ATOH8: variants seen among roughly 807,000 people sequenced by gnomAD.
The protein encoded by ATOH8 is transcription factor ATOH8.
Under a neutral mutation model 21.2 loss-of-function variants are expected in ATOH8, and 9 were observed. The ratio of observed to expected loss-of-function variants is 0.42; its 90% CI spans 0.26 to 0.74. The LOEUF (loss-of-function observed/expected upper bound fraction) is 0.74. Among genes scored for constraint, ATOH8 ranks in the 30% least tolerant of loss-of-function variants. The pLI, the probability that ATOH8 is intolerant of heterozygous loss-of-function variation, is 0.24. For synonymous variants in ATOH8, 253 were observed against 224.0 expected, an observed-to-expected ratio of 1.13 and a Z score of -1.16; for missense variants, 524 against 470.9, an observed-to-expected ratio of 1.11 and a Z score of -1.04.
Position 85,754,107 on chromosome 2 carries a change from C to A in ATOH8, c.-83C>A. The A allele has an allele frequency of 7.3e-7, 1 of 1,360,806 alleles. No homozygotes were observed. The allele number at this position is 1,360,806 out of a possible 1,614,324, so 84.3% of individuals were successfully genotyped here. On this transcript the variant is annotated 5_prime_UTR_variant, in exon 1 of 3. Coordinates refer to ENST00000306279, the MANE Select transcript of ATOH8 (RefSeq NM_032827.7). ...AGAGGGAGGGGGAGGGCGGGCGAAG[C>A]GGGAGAGCCAGAGACTCCTCGGCGC... is the stretch of plus-strand genomic sequence containing the variant.
At chr2:85,779,277 A>G (rs79111299) in intron 2 of ATOH8, among the ~76,000 whole-genome samples, 3,966 of 152,330 alleles carry the variant, frequency 0.026, 164 homozygotes, top group African/African-American at 0.091. Context: ...GACCCTCACA[A>G]TGCCCCACGC....
rs1235490222 is a variant in ATOH8, at chr2:85,790,533, A to C, written c.*3643A>C. ...GTTTTGAGCAAGTGTTCATCCCCCC[A>C]CACTATGCTCCTTCCTGTCTCCATG... On this transcript the variant is annotated 3_prime_UTR_variant, in exon 3 of 3. Transcript: ENST00000306279. Among the ~76,000 whole-genome samples, 3 of 152,038 alleles carry C rather than the reference A, an allele frequency of 2.0e-5. No individual in the cohort carries two copies. The highest frequency in any genetic ancestry group is 7.2e-5 in the African/African-American group (3 of 41,382).
intron 2 of ATOH8, 34 bp downstream of exon 2, chr2:85,764,216 G>A (rs934789772): frequency 6.2e-7 from 1 of 1,608,230 alleles, no homozygotes; most frequent in Non-Finnish European, 8.5e-7. Context: ...TAGCTTCTGG[G>A]GAGCATAGGG....
chr2:85,783,089 C>CATTCTGACT (rs1209563795), intron 2 of ATOH8, among the ~76,000 whole-genome samples: 3 of 152,206 alleles, frequency 2.0e-5, no homozygotes, highest in African/African-American at 7.2e-5. Flanking sequence ...GTGGAGCTGG[C>CATTCTGACT]ATTCTGACTA....
At chr2:85,763,927 CTCCCATGCCTGCCA>C (rs1679934487) in intron 1 of ATOH8, 50 bp from the exon 2 acceptor site, 1 of 1,526,628 alleles carries the variant, frequency 6.6e-7, no homozygotes, top group African/African-American at 1.4e-5. Context: ...GACAGGCCGT[CTCCCATGCCTGCCA>C]GGCTGGGCAC....
chr2:85,786,897 G>A lies in ATOH8; in HGVS notation c.*7G>A. 6.2e-7 allele frequency: 1 copy of A among 1,614,160 alleles called. No homozygotes were observed. ...TCATGTCTTTCAGGAGTGACTGGCT[G>A]CAGGCAAGACCAAGGCCACCACTGT... is the stretch of plus-strand genomic sequence containing the variant. On this transcript the variant is annotated 3_prime_UTR_variant, in exon 3 of 3. Transcript: ENST00000306279.
At chr2:85,763,401 C>T (rs969958475) in intron 1 of ATOH8, among the ~76,000 whole-genome samples, 1 of 152,164 alleles carries the variant, frequency 6.6e-6, no homozygotes, top group African/African-American at 2.4e-5. Context: ...ACCCCAAGTC[C>T]TGAGGGCACA....
intron 1 of ATOH8, 57 bp from the exon 2 acceptor site, chr2:85,763,934 G>A: frequency 6.4e-7 from 1 of 1,558,760 alleles, no homozygotes. Flanking sequence ...CGTCTCCCAT[G>A]CCTGCCAGGC....
chr2:85,754,176 G>A lies in ATOH8; in HGVS notation c.-14G>A, dbSNP rs777504363. 1.5e-5 allele frequency: 24 copies of A among 1,551,236 alleles called. No homozygotes were observed. Among genetic ancestry groups the A allele is most frequent in the Middle Eastern group, 1.8e-4 (1 of 5,540 alleles). ...GGGCAGCCCCACGCCCCTGCCTCGC[G>A]CGCCGCCCGCGCCATGAAGCACATC... is the stretch of plus-strand genomic sequence containing the variant. On this transcript the variant is annotated 5_prime_UTR_variant, in exon 1 of 3. Transcript: ENST00000306279.
chr2:85,786,825 T>A, intron 2 of ATOH8, 60 bp from the exon 3 acceptor site: 1 of 1,612,590 alleles, frequency 6.2e-7, no homozygotes, highest in African/African-American at 1.3e-5. Flanking sequence ...TCTGCAGCTG[T>A]CCAGAAACAG....
chr2:85,786,419 G>A (rs1680621668), intron 2 of ATOH8, among the ~76,000 whole-genome samples: 2 of 152,240 alleles, frequency 1.3e-5, no homozygotes, highest in Non-Finnish European at 2.9e-5. Context: ...CAGCTGGCAG[G>A]TGAATGTGCT....
intron 2 of ATOH8, among the ~76,000 whole-genome samples, chr2:85,767,764 CT>C (rs969077283): frequency 6.6e-6 from 1 of 152,128 alleles, no homozygotes; most frequent in Non-Finnish European, 1.5e-5. Flanking sequence ...CAAAGAATTT[CT>C]GCTTCTAACA....
intron 1 of ATOH8, among the ~76,000 whole-genome samples, chr2:85,757,952 A>G (rs1224844657): frequency 2.6e-5 from 4 of 151,812 alleles, no homozygotes; most frequent in African/African-American, 9.7e-5. Context: ...CACCTGGGTA[A>G]TTTTTTGTAT....
At chr2:85,775,090 C>A in intron 2 of ATOH8, 1 of 945,032 alleles carries the variant, frequency 1.1e-6, no homozygotes, top group Non-Finnish European at 1.3e-6. Flanking sequence ...GATTTCATGT[C>A]ATTACATTGT....
intron 2 of ATOH8, among the ~76,000 whole-genome samples, chr2:85,772,114 C>A (rs543944738): frequency 2.0e-5 from 3 of 152,116 alleles, no homozygotes; most frequent in Non-Finnish European, 4.4e-5. Context: ...CCGGCTGCAG[C>A]GCAGTGCAGG....
At chr2:85,779,084 C>T (rs1044910623) in intron 2 of ATOH8, among the ~76,000 whole-genome samples, 1 of 152,214 alleles carries the variant, frequency 6.6e-6, no homozygotes, top group Admixed American at 6.5e-5. Context: ...TGGGTGCCCC[C>T]TCCAGCCTGG....
In ATOH8 at chr2:85,786,923, G is replaced by A. The variant is rs1680635336; in HGVS notation, c.*33G>A. ...CAGGCAAGACCAAGGCCACCACTGT[G>A]GGCCCTCCTTCCAGTCAGGCCTGAG... On this transcript the variant is annotated 3_prime_UTR_variant, in exon 3 of 3. Coordinates refer to ENST00000306279, the MANE Select transcript of ATOH8 (RefSeq NM_032827.7). 1.2e-6 allele frequency: 2 copies of A among 1,614,110 alleles called. No homozygotes were observed. Among genetic ancestry groups the A allele is most frequent in the Non-Finnish European group, 1.7e-6 (2 of 1,179,994 alleles).
Position 85,788,701 on chromosome 2 carries a change from C to T in ATOH8, c.*1811C>T, listed in dbSNP as rs899491502. ...GCAGCCATACAGGACACAGTTTGTC[C>T]CTTGGTTTCACCAGTGTCACTTTCT... On this transcript the variant is annotated 3_prime_UTR_variant, in exon 3 of 3. Transcript: ENST00000306279. Among the ~76,000 whole-genome samples the T allele has an allele frequency of 1.5e-4, 23 of 152,278 alleles. No homozygotes were observed. Among genetic ancestry groups the T allele is most frequent in the African/African-American group, 5.5e-4 (23 of 41,560 alleles).
At chr2:85,776,798 G>A (rs188281199) in intron 2 of ATOH8, among the ~76,000 whole-genome samples, 17 of 152,284 alleles carry the variant, frequency 1.1e-4, no homozygotes, top group Admixed American at 5.2e-4. Flanking sequence ...GCACATGTTG[G>A]GCAGCTCTGG....
Sources: allele counts gnomAD v4.1 joint callset (sites outside exome capture counted in the v4.1 genomes callset), GRCh38; gene constraint gnomAD v4.1.1; transcripts MANE v1.5; gene names NCBI Gene and HGNC (gene_info 2026-07-23, HGNC 2026-07-21).